Variants in HDAC5 observed in about 807,000 individuals in gnomAD.
HDAC5 encodes antigen NY-CO-9.
In HDAC5, 25 loss-of-function variants were observed where a neutral mutation model predicts 133.3. The ratio of observed to expected loss-of-function variants is 0.19; its 90% confidence interval spans 0.14 to 0.26. HDAC5 has a LOEUF of 0.26. Ranked by LOEUF, HDAC5 falls within the 10% of genes least tolerant of loss-of-function variation. HDAC5 has a pLI of 1.00. For missense variants in HDAC5, 1,041 were observed against 1,460.5 expected (o/e 0.71, Z 4.68); for synonymous variants, 589 against 610.8 (o/e 0.96, Z 0.53).
At chr17:44,116,971 G>A (rs1393704501) in intron 2 of HDAC5, among the ~76,000 whole-genome samples, 3 of 152,118 alleles carry the variant, frequency 2.0e-5, no homozygotes, top group Non-Finnish European at 2.9e-5. Context: ...CTCTACACAC[G>A]TCACCCCACT....
intron 21 of HDAC5, 93 bp downstream of exon 21, chr17:44,080,659 CAGGTACCAACA>C (rs2050348081): frequency 6.5e-7 from 1 of 1,544,742 alleles, no homozygotes; most frequent in African/African-American, 1.4e-5. Flanking sequence ...CCAGACTCCC[CAGGTACCAACA>C]CCACCATGGG....
At position 44,091,275 on chromosome 17, in the gene HDAC5, A is replaced by G; in HGVS notation, c.1382T>C (p.Ile461Thr). ...LEQARQQSTLIAVPLHGQSPL... is the reference protein window; with the variant it reads ...LEQARQQSTLTAVPLHGQSPL... The stretch of plus-strand genomic sequence containing the variant: ...ACAGCTACCTGTCCACTCACCAGCA[A>G]TGAGGGTGCTCTGCTGCCGGGCCTG... The change falls in exon 11 of 27, where the codon ATT becomes ACT. Residue 461 changes from isoleucine (I) to threonine (T), a missense_variant. Ile to Thr is a moderately conservative substitution (Grantham distance 89). Transcript: ENST00000682912. 6.2e-7 allele frequency: 1 copy of G among 1,610,022 alleles called. No individual in the cohort carries two copies. The highest frequency in any genetic ancestry group is 8.5e-7 in the Non-Finnish European group (1 of 1,178,660).
At chr17:44,094,062 T>C (rs1395708733) in intron 3 of HDAC5, among the ~76,000 whole-genome samples, 1 of 152,194 alleles carries the variant, frequency 6.6e-6, no homozygotes, top group African/African-American at 2.4e-5. Flanking sequence ...GGCTCACACC[T>C]GTAATCTCAG....
At chr17:44,107,487 A>G (rs1402772694) in intron 3 of HDAC5, among the ~76,000 whole-genome samples, 6 of 151,780 alleles carry the variant, frequency 4.0e-5, no homozygotes, top group Admixed American at 6.6e-5. Flanking sequence ...GTGTGCCTGT[A>G]GTCCCAGCTA....
chr17:44,083,357 T>C (rs2050488950), intron 18 of HDAC5, among the ~76,000 whole-genome samples, 188 bp downstream of exon 18: 1 of 152,162 alleles, frequency 6.6e-6, no homozygotes, highest in Admixed American at 6.5e-5. Flanking sequence ...GCACTGGGCA[T>C]TAGTGTCTTT....
At position 44,093,408 on chromosome 17, in the gene HDAC5, C is replaced by T. The variant is rs2051065086; in HGVS notation, c.432G>A (p.Gln144=). The T allele has an allele frequency of 6.3e-7, 1 of 1,596,664 alleles. No individual in the cohort carries two copies. The highest frequency in any genetic ancestry group is 8.5e-7 in the Non-Finnish European group (1 of 1,173,986). Residue 144 remains glutamine (Q), a synonymous_variant, in exon 5 of 27, where the codon CAG becomes CAA. Coordinates refer to ENST00000682912, the MANE Select transcript of HDAC5 (RefSeq NM_005474.5). Reference sequence around the variant, plus strand: ...CCTGCCGCTGCTGCTCCCGCTGCCGCTGCTGCTCCAGCTCCTGCTGCCGCT... The same window carrying T: ...CCTGCCGCTGCTGCTCCCGCTGCCGTTGCTGCTCCAGCTCCTGCTGCCGCT... ...AAKRQQELEQ[Q]RQREQQRQEE...
chr17:44,119,177 C>T (rs1421517913), intron 1 of HDAC5, among the ~76,000 whole-genome samples: 1 of 152,240 alleles, frequency 6.6e-6, no homozygotes, highest in Non-Finnish European at 1.5e-5. Context: ...TGAGGCCAAG[C>T]TCAGGAATGT....
chr17:44,099,246 T>C (rs2051442454), intron 3 of HDAC5, among the ~76,000 whole-genome samples: 1 of 152,156 alleles, frequency 6.6e-6, no homozygotes, highest in Non-Finnish European at 1.5e-5. Flanking sequence ...AGCCACCTCC[T>C]GCAGAGGTCA....
Position 44,117,364 on chromosome 17 carries a change from T to A in HDAC5, c.22+130A>T. 1 of 1,028,126 alleles carries A rather than the reference T, an allele frequency of 9.7e-7. No homozygotes were observed. The highest frequency in any genetic ancestry group is 1.5e-6 in the Non-Finnish European group (1 of 652,558). 63.7% of individuals were successfully genotyped at this position (1,028,126 alleles called of 1,614,324 possible). ...CATGGGCCCTTTCTTGCAACACTTC[T>A]CCACTCCTTACCCCCTCATTCCCTT... is the stretch of plus-strand genomic sequence containing the variant. On this transcript the variant is annotated intron_variant, in intron 2 of 26. Coordinates refer to ENST00000682912, the MANE Select transcript of HDAC5 (RefSeq NM_005474.5). The surrounding 1 kb of genome is among the most constrained non-coding windows in gnomAD (Gnocchi z 4.2).
chr17:44,103,985 C>T (rs904786710), intron 3 of HDAC5, among the ~76,000 whole-genome samples: 6 of 150,290 alleles, frequency 4.0e-5, no homozygotes, highest in East Asian at 2.1e-4. Context: ...TGGAATTATA[C>T]GCGTGAGCCA....
chr17:44,109,962 C>T (rs528288660), intron 3 of HDAC5, among the ~76,000 whole-genome samples: 2 of 152,336 alleles, frequency 1.3e-5, no homozygotes, highest in South Asian at 2.1e-4. Context: ...AGGGAAGGAG[C>T]GGCCCAGCTC....
In HDAC5 at chr17:44,078,329, T is replaced by C. The variant is rs2144179232; in HGVS notation, c.*47A>G. 6.7e-7 allele frequency: 1 copy of C among 1,497,834 alleles called. No homozygotes were observed. The highest frequency in any genetic ancestry group is 8.9e-7 in the Non-Finnish European group (1 of 1,125,524). 92.8% of individuals were successfully genotyped at this position (1,497,834 alleles called of 1,614,324 possible). On this transcript the variant is annotated 3_prime_UTR_variant, in exon 27 of 27. Coordinates refer to ENST00000682912, the MANE Select transcript of HDAC5 (RefSeq NM_005474.5). ...GACTTTTTGTTTTTAATAGAAAAAA[T>C]AAACAAAATCACAATGGTGAAGCCC...
At chr17:44,112,358 C>G (rs1437978131) in intron 2 of HDAC5, among the ~76,000 whole-genome samples, 1 of 152,170 alleles carries the variant, frequency 6.6e-6, no homozygotes, top group Non-Finnish European at 1.5e-5. Flanking sequence ...CTCCCCACCG[C>G]TGGCCTGCCC....
intron 1 of HDAC5, among the ~76,000 whole-genome samples, chr17:44,119,185 T>A (rs1168392479): frequency 1.3e-5 from 2 of 152,228 alleles, no homozygotes; most frequent in African/African-American, 4.8e-5. Context: ...AGCTCAGGAA[T>A]GTGGCAGGTA....
At chr17:44,115,524 G>A (rs957038035) in intron 2 of HDAC5, among the ~76,000 whole-genome samples, 6 of 152,222 alleles carry the variant, frequency 3.9e-5, no homozygotes, top group Admixed American at 6.5e-5. Flanking sequence ...GCCAGCCCAA[G>A]CTCTGGGAAT....
At chr17:44,121,094 A>G (rs1187327376) in intron 1 of HDAC5, among the ~76,000 whole-genome samples, 3 of 115,778 alleles carry the variant, frequency 2.6e-5, no homozygotes, top group African/African-American at 9.4e-5. Flanking sequence ...GGAGGCTGCT[A>G]TTTCTAGAAA....
rs1470021337 is a variant in HDAC5 at position 44,093,447 on chromosome 17, C to G, written c.393G>C (p.Glu131Asp). Residue 131 changes from glutamate (E) to aspartate (D), a missense_variant, in exon 5 of 27, where the codon GAG becomes GAC. Physicochemically the swap from Glu to Asp is conservative, Grantham distance 45. Transcript: ENST00000682912. Reference protein sequence around the residue: ...QEMLAAKQQQEMLAAKRQQEL... With the variant: ...QEMLAAKQQQDMLAAKRQQEL... ...CCTGCTGCCGCTTGGCTGCCAGCAT[C>G]TCCTGCTGCTGCTTGGCTGCCAGCA... 1 of 1,605,680 alleles carries G rather than the reference C, an allele frequency of 6.2e-7. No individual in the cohort carries two copies. Among genetic ancestry groups the G allele is most frequent in the South Asian group, 1.1e-5 (1 of 90,774 alleles).
At chr17:44,121,490 A>G (rs2053000856) in intron 1 of HDAC5, among the ~76,000 whole-genome samples, 1 of 134,754 alleles carries the variant, frequency 7.4e-6, no homozygotes, top group Non-Finnish European at 1.5e-5. Flanking sequence ...GGCTGAGCCT[A>G]ATGCTGTGTT....
chr17:44,107,594 G>A (rs2052041202), intron 3 of HDAC5, among the ~76,000 whole-genome samples: 1 of 139,574 alleles, frequency 7.2e-6, no homozygotes, highest in Admixed American at 7.2e-5. Context: ...GGCAAAAGAG[G>A]GAGACTCCGT....
Sources: allele counts gnomAD v4.1 joint callset (sites outside exome capture counted in the v4.1 genomes callset), GRCh38; gene constraint gnomAD v4.1.1; non-coding constraint Gnocchi (gnomAD v3.1); transcripts MANE v1.5; gene names NCBI Gene and HGNC (gene_info 2026-07-23, HGNC 2026-07-21).